Variants in KAZN observed in about 807,000 individuals in gnomAD.
KAZN encodes the protein kazrin, periplakin interacting protein.
A neutral mutation model predicts 87.4 loss-of-function variants in KAZN; 40 were observed. That is an observed-to-expected ratio of 0.46 (90% CI 0.36 to 0.60). The LOEUF (loss-of-function observed/expected upper bound fraction) is 0.60, where lower values mean the gene tolerates loss of function less well. Among genes scored for constraint, KAZN ranks in the 20% least tolerant of loss-of-function variants. The probability of loss-of-function intolerance (pLI) is 0.00; values close to 1 mark genes in which losing one functional copy is unlikely to be tolerated. For missense variants in KAZN, 898 were observed against 1,073.9 expected, an observed-to-expected ratio of 0.84 and a Z score of 2.29; for synonymous variants, 466 against 458.3, an observed-to-expected ratio of 1.02 and a Z score of -0.22.
At chr1:14,404,887 A>C (rs1014950049) in intron 2 of KAZN, among the ~76,000 whole-genome samples, 2 of 152,210 alleles carry the variant, frequency 1.3e-5, no homozygotes, top group African/African-American at 4.8e-5. Context: ...ATGCTATCTA[A>C]CACCTGGCAT....
chr1:14,859,247 G>A (rs368528470), intron 1 of KAZN, among the ~76,000 whole-genome samples: 96 of 151,322 alleles, frequency 6.3e-4, no homozygotes, highest in East Asian at 5.1e-3. Flanking sequence ...CTAAGTAACC[G>A]CTCAGTGCAC....
chr1:14,795,399 T>G (rs1645800331), intron 1 of KAZN, among the ~76,000 whole-genome samples: 1 of 152,038 alleles, frequency 6.6e-6, no homozygotes, highest in Admixed American at 6.5e-5. Context: ...ATCTCTTCTG[T>G]GTCAGGCACA....
At chr1:14,404,138 C>T (rs899113918) in intron 2 of KAZN, among the ~76,000 whole-genome samples, 1 of 152,186 alleles carries the variant, frequency 6.6e-6, no homozygotes, top group Non-Finnish European at 1.5e-5. Flanking sequence ...TCGCCCCACC[C>T]TCATCTTTTA....
In KAZN at chr1:15,066,356, C is replaced by T. The variant is rs987336987; in HGVS notation, c.1222+603C>T. On this transcript the variant is annotated intron_variant, in intron 8 of 14. Coordinates refer to ENST00000376030, the MANE Select transcript of KAZN (RefSeq NM_201628.3). This position sits in a 1 kb window ranked among gnomAD's most constrained non-coding sequence, Gnocchi z 4.3. ...CCCCCTCCCGCCCCCCTGGTGTGAA[C>T]GTGTGGGACCAGACCCTGTCCTGGG... 50 of 982,348 alleles carry T rather than the reference C, an allele frequency of 5.1e-5. 1 individual carries two copies. In the East Asian group the frequency reaches 2.6e-3, roughly 52 times the overall value. The allele number at this position is 982,348 out of a possible 1,614,324, so 60.9% of individuals were successfully genotyped here. A position where few individuals can be genotyped will look rare whatever the true frequency, so the allele number is the denominator to read the frequency against.
chr1:14,804,416 C>T (rs6674887), intron 1 of KAZN, among the ~76,000 whole-genome samples: 45,013 of 151,892 alleles, frequency 0.3, 8,064 homozygotes, highest in East Asian at 0.53. Flanking sequence ...TTGTGTCTCC[C>T]CACTCAAAAC....
chr1:14,482,628 A>T (rs890427436), intron 2 of KAZN, among the ~76,000 whole-genome samples: 3 of 151,994 alleles, frequency 2.0e-5, no homozygotes, highest in African/African-American at 7.2e-5. Context: ...TAATGGCATC[A>T]TTAGAAAGGG....
At chr1:15,111,259 C>CTGTTGT (rs1553192161) in intron 13 of KAZN, among the ~76,000 whole-genome samples, 43 of 49,934 alleles carry the variant, frequency 8.6e-4, no homozygotes, top group Admixed American at 5.9e-3. Flanking sequence ...CTAGAAGGTT[C>CTGTTGT]TGTTGTTGTT....
chr1:14,924,422 G>A (rs944390150), intron 1 of KAZN: 9 of 988,178 alleles, frequency 9.1e-6, no homozygotes, highest in Middle Eastern at 5.1e-4. Context: ...GGCGCAGGGC[G>A]AGCCGGCGCC....
intron 2 of KAZN, among the ~76,000 whole-genome samples, chr1:14,418,046 C>G (rs12130533): frequency 1.4e-4 from 12 of 86,002 alleles, no homozygotes; most frequent in Non-Finnish European, 2.2e-4. Flanking sequence ...AAAAAAAAAC[C>G]TACATCGAAA....
chr1:14,076,659 C>T (rs746638655), intron 1 of KAZN, among the ~76,000 whole-genome samples: 10 of 152,196 alleles, frequency 6.6e-5, no homozygotes, highest in Admixed American at 2.6e-4. Flanking sequence ...ACCACCCCTG[C>T]TTGAGAACCA....
At chr1:14,316,260 T>G (rs1557635078) in intron 2 of KAZN, among the ~76,000 whole-genome samples, 1 of 152,106 alleles carries the variant, frequency 6.6e-6, no homozygotes, top group Non-Finnish European at 1.5e-5. Flanking sequence ...GTAAGAGTTC[T>G]TTATGTTACT....
chr1:14,765,040 C>T (rs1164677161), intron 1 of KAZN, among the ~76,000 whole-genome samples: 5 of 152,198 alleles, frequency 3.3e-5, no homozygotes, highest in African/African-American at 1.2e-4. Flanking sequence ...TGATCTCCTC[C>T]TCCAGGCTCC....
chr1:14,859,281 G>C (rs1650557215), intron 1 of KAZN, among the ~76,000 whole-genome samples: 1 of 152,042 alleles, frequency 6.6e-6, no homozygotes, highest in African/African-American at 2.4e-5. Context: ...CACGTTTCAG[G>C]TACCTAGTCT....
rs566268483 is a variant in KAZN, at chr1:15,109,157, G to A, written c.2049-3270G>A. Among the ~76,000 whole-genome samples, 226 of 152,250 alleles carry A rather than the reference G, an allele frequency of 1.5e-3. 1 individual carries two copies. The highest frequency in any genetic ancestry group is 2.4e-3 in the Non-Finnish European group (163 of 68,012). On this transcript the variant is annotated intron_variant, in intron 13 of 14. Coordinates refer to ENST00000376030, the MANE Select transcript of KAZN (RefSeq NM_201628.3). ...CACACCACTTTGGGAGGTCGAGGCC[G>A]GTAGATCACTTGAGCCCAGGAGCTG...
At chr1:14,465,398 C>CAAAAAAA (rs71572107) in intron 2 of KAZN, among the ~76,000 whole-genome samples, 2 of 84,788 alleles carry the variant, frequency 2.4e-5, no homozygotes, top group Admixed American at 1.5e-4. Flanking sequence ...GACTCTGTCT[C>CAAAAAAA]AAAAAAAAAA....
intron 1 of KAZN, among the ~76,000 whole-genome samples, chr1:14,896,522 T>G (rs1655294935): frequency 6.6e-6 from 1 of 152,178 alleles, no homozygotes; most frequent in East Asian, 1.9e-4. Flanking sequence ...CTGGAATTGG[T>G]TTCTGTTGCT....
At chr1:14,104,555 C>T (rs573737414) in intron 1 of KAZN, among the ~76,000 whole-genome samples, 35 of 152,314 alleles carry the variant, frequency 2.3e-4, no homozygotes, top group Middle Eastern at 3.4e-3. Context: ...ACCTCAGGAT[C>T]GCAAATAACA....
chr1:14,596,791 G>C (rs148427782), upstream of KAZN, among the ~76,000 whole-genome samples: 1 of 152,076 alleles, frequency 6.6e-6, no homozygotes, highest in Non-Finnish European at 1.5e-5. Context: ...TACTCTTCAC[G>C]GCTGAGTAAT....
At position 15,094,447 on chromosome 1, in the gene KAZN, A is replaced by C. The variant is rs576321007; in HGVS notation, c.1428+62A>C. ...TGCCCTCTGTGAGCTTTACGTACCC[A>C]GAAGCTGGCCTGCCCCCCACTCCTA... On this transcript the variant is annotated intron_variant, in intron 9 of 14. Coordinates refer to ENST00000376030, the MANE Select transcript of KAZN (RefSeq NM_201628.3). This position sits in a 1 kb window ranked among gnomAD's most constrained non-coding sequence, Gnocchi z 4.5. 2.7e-6 allele frequency: 4 copies of C among 1,476,662 alleles called. No homozygotes were observed. Among genetic ancestry groups the C allele is most frequent in the Non-Finnish European group, 3.7e-6 (4 of 1,083,338 alleles). 91.5% of individuals were successfully genotyped at this position (1,476,662 alleles called of 1,614,324 possible).
Sources: gnomAD v4.1 joint callset for allele counts (sites outside exome capture counted in the v4.1 genomes callset) on GRCh38, gnomAD v4.1.1 for gene constraint, Gnocchi (gnomAD v3.1) non-coding constraint, MANE v1.5 for transcripts, NCBI Gene and HGNC (gene_info 2026-07-23, HGNC 2026-07-21) for gene names.